The following PDXDC1 variants were observed in gnomAD, a reference collection of about 807,000 sequenced individuals.
The protein encoded by PDXDC1 is pyridoxal dependent decarboxylase domain containing 1.
Under a neutral mutation model 100.1 loss-of-function variants are expected in PDXDC1, and 42 were observed. That is an observed-to-expected ratio of 0.42 (90% confidence interval 0.33 to 0.54). The LOEUF (loss-of-function observed/expected upper bound fraction) is 0.54, where lower values mean the gene tolerates loss of function less well. PDXDC1 is among the 20% of genes least tolerant of loss of function. The pLI is 0.10. For synonymous variants in PDXDC1, 260 were observed against 371.7 expected, an observed-to-expected ratio of 0.70 and a Z score of 3.46; for missense variants, 636 against 979.2, an observed-to-expected ratio of 0.65 and a Z score of 4.68.
chr16:15,081,545 A>G (rs2045703448), intron 16 of PDXDC1, among the ~76,000 whole-genome samples: 2 of 152,130 alleles, frequency 1.3e-5, no homozygotes, highest in Non-Finnish European at 1.5e-5. Flanking sequence ...CCCTTTTATT[A>G]TTCAATTATA....
intron 16 of PDXDC1, among the ~76,000 whole-genome samples, chr16:15,122,824 G>T (rs1311178718): frequency 2.6e-5 from 1 of 37,940 alleles, no homozygotes. Context: ...AGTTGGGGAG[G>T]GGGAGGGGAA....
the PDXDC1 span, among the ~76,000 whole-genome samples, chr16:15,144,675 G>A: frequency 6.6e-6 from 1 of 152,210 alleles, no homozygotes; most frequent in Non-Finnish European, 1.5e-5. Context: ...AGACGCCGGG[G>A]GTGACATGGG....
intron 16 of PDXDC1, among the ~76,000 whole-genome samples, chr16:15,059,025 CT>C (rs2044621995): frequency 6.6e-6 from 1 of 152,156 alleles, no homozygotes; most frequent in African/African-American, 2.4e-5. Flanking sequence ...CATGGTGGAG[CT>C]TTGGATGTTC....
chr16:15,064,810 G>A (rs1425067203), intron 16 of PDXDC1, among the ~76,000 whole-genome samples: 6 of 152,160 alleles, frequency 3.9e-5, no homozygotes, highest in Non-Finnish European at 5.9e-5. Flanking sequence ...AGCGAGGAAG[G>A]GCCACTTCTG....
At chr16:15,089,786 C>CAAAAAAAAAGAAAAAAA (rs2046053778) in intron 16 of PDXDC1, among the ~76,000 whole-genome samples, 1 of 66,574 alleles carries the variant, frequency 1.5e-5, no homozygotes, top group Non-Finnish European at 2.5e-5. Context: ...GGCGACAGAG[C>CAAAAAAAAAGAAAAAAA]AAAAAAAAAA....
intron 1 of PDXDC1, among the ~76,000 whole-genome samples, chr16:14,983,264 G>GGCAA (rs1369593981): frequency 6.6e-6 from 1 of 152,256 alleles, no homozygotes. Context: ...TTGTTATAGA[G>GGCAA]GCTGCTTCTC....
intron 16 of PDXDC1, among the ~76,000 whole-genome samples, chr16:15,058,062 A>G (rs759096023): frequency 6.6e-6 from 1 of 152,196 alleles, no homozygotes; most frequent in East Asian, 1.9e-4. Flanking sequence ...CTGTAACCCC[A>G]GCACTTTGAA....
At chr16:15,051,548 T>G (rs1476578724) in intron 16 of PDXDC1, among the ~76,000 whole-genome samples, 1 of 152,030 alleles carries the variant, frequency 6.6e-6, no homozygotes, top group East Asian at 1.9e-4. Flanking sequence ...GGTCTCCCTG[T>G]GTTGCCCAGG....
rs780821372 is a variant in PDXDC1 at position 15,063,163 on chromosome 16, T to A, written c.1399+33107T>A. On this transcript the variant is annotated intron_variant, in intron 16 of 16. Transcript: ENST00000535621. ...TGTGACCTGGAACCAGAAAGGAGAT[T>A]CCGAGAGTGTGCTCAATCAATCACA... 12 of 1,417,310 alleles carry A rather than the reference T, an allele frequency of 8.5e-6. 1 individual carries two copies. The Middle Eastern group carries it at 1.2e-3, about 146-fold the overall frequency. 87.8% of individuals were successfully genotyped at this position (1,417,310 alleles called of 1,614,324 possible). A position where few individuals can be genotyped will look rare whatever the true frequency, so the allele number is the denominator to read the frequency against.
chr16:15,016,688 A>G (rs1348358573), intron 9 of PDXDC1, among the ~76,000 whole-genome samples: 1 of 152,274 alleles, frequency 6.6e-6, no homozygotes. Context: ...TCTCCTCCCC[A>G]CAAAGCTCAT....
intron 16 of PDXDC1, among the ~76,000 whole-genome samples, chr16:15,124,359 C>A (rs1363879062): frequency 6.6e-6 from 1 of 152,178 alleles, no homozygotes; most frequent in Non-Finnish European, 1.5e-5. Flanking sequence ...GCTTTAAATC[C>A]CTTTACCATT....
intron 16 of PDXDC1, chr16:15,133,660 G>A: frequency 2.0e-6 from 3 of 1,534,230 alleles, no homozygotes; most frequent in Middle Eastern, 2.3e-4. Flanking sequence ...GCAGCAGCAG[G>A]GCGTACACCA....
chr16:15,061,984 T>G, intron 16 of PDXDC1: 1 of 1,335,882 alleles, frequency 7.5e-7, no homozygotes, highest in Non-Finnish European at 1.0e-6. Context: ...CTCAGGAAGG[T>G]GTTAACGTTT....
chr16:14,987,436 C>T (rs953957046), intron 1 of PDXDC1, among the ~76,000 whole-genome samples: 5 of 152,366 alleles, frequency 3.3e-5, no homozygotes, highest in East Asian at 1.9e-4. Flanking sequence ...TGTGTAGAGG[C>T]GTTAATTATT....
At chr16:15,022,829 C>G in intron 13 of PDXDC1, 75 bp downstream of exon 13, 1 of 1,172,616 alleles carries the variant, frequency 8.5e-7, no homozygotes, top group Non-Finnish European at 1.2e-6. Context: ...GATTTTAGAA[C>G]TTTAGAATGA....
At chr16:15,124,298 C>G (rs1031384470) in intron 16 of PDXDC1, among the ~76,000 whole-genome samples, 7 of 152,198 alleles carry the variant, frequency 4.6e-5, no homozygotes, top group Non-Finnish European at 8.8e-5. Context: ...TCTGCCCAAT[C>G]ACACAGAGTG....
intron 16 of PDXDC1, chr16:15,131,594 G>A (rs916586534): frequency 1.2e-6 from 2 of 1,604,142 alleles, no homozygotes; most frequent in Non-Finnish European, 1.7e-6. Flanking sequence ...ATGCGCATGA[G>A]GGCAGAGGTC....
At chr16:15,135,624 G>A in intron 16 of PDXDC1, 2 of 1,561,798 alleles carry the variant, frequency 1.3e-6, no homozygotes, top group Non-Finnish European at 1.8e-6. Flanking sequence ...GAGGGGCATG[G>A]AGGACGGCCC....
At chr16:15,055,379 G>A (rs545647287) in intron 16 of PDXDC1, among the ~76,000 whole-genome samples, 58 of 152,300 alleles carry the variant, frequency 3.8e-4, no homozygotes, top group Middle Eastern at 3.4e-3. Flanking sequence ...CCTACGCCCC[G>A]GGGGTAGGGG....
Sources: gnomAD v4.1 joint callset for allele counts (sites outside exome capture counted in the v4.1 genomes callset) on GRCh38, gnomAD v4.1.1 for gene constraint, MANE v1.5 for transcripts, NCBI Gene and HGNC (gene_info 2026-07-23, HGNC 2026-07-21) for gene names.